The following CSNK2A1 variants were observed in gnomAD, a reference collection of about 807,000 sequenced individuals.
CSNK2A1 encodes casein kinase II subunit alpha.
In CSNK2A1, 10 loss-of-function variants were observed where a neutral mutation model predicts 62.9. That is an observed-to-expected ratio of 0.16 (90% CI 0.10 to 0.27). CSNK2A1 has a LOEUF of 0.27. Ranked by LOEUF, CSNK2A1 falls within the 10% of genes least tolerant of loss-of-function variation. CSNK2A1 has a pLI of 1.00. For missense variants in CSNK2A1, 160 were observed against 492.0 expected, an observed-to-expected ratio of 0.33 and a Z score of 6.38; for synonymous variants, 124 against 167.8, an observed-to-expected ratio of 0.74 and a Z score of 2.02.
Position 521,589 on chromosome 20 carries a change from A to G in CSNK2A1, c.-110+6344T>C, listed in dbSNP as rs958753686. Among the ~76,000 whole-genome samples the G allele has an allele frequency of 4.6e-5, 7 of 152,248 alleles. No homozygotes were observed. In the East Asian group the frequency reaches 7.7e-4, roughly 17 times the overall value. On this transcript the variant is annotated intron_variant, in intron 2 of 13. Coordinates refer to ENST00000217244, the MANE Select transcript of CSNK2A1 (RefSeq NM_177559.3). ...AAGAGAAACGGAAACCCGTATCTAC[A>G]CAAAAACTTATACACAAACATTTAA...
At chr20:484,773 A>G (rs957171018) in intron 13 of CSNK2A1, among the ~76,000 whole-genome samples, 8 of 151,892 alleles carry the variant, frequency 5.3e-5, no homozygotes, top group African/African-American at 1.9e-4. Context: ...AAGGTTCAAA[A>G]AAGTATACAA....
intron 1 of CSNK2A1, among the ~76,000 whole-genome samples, chr20:534,117 G>A (rs138358117): frequency 1.7e-3 from 257 of 152,318 alleles, no homozygotes; most frequent in African/African-American, 6.1e-3. Flanking sequence ...ACCAGGCACA[G>A]TATCAGATGC....
intron 2 of CSNK2A1, among the ~76,000 whole-genome samples, chr20:524,960 T>C (rs1247897537): frequency 1.3e-5 from 2 of 148,298 alleles, no homozygotes; most frequent in Non-Finnish European, 3.0e-5. Context: ...ACAGAAAAAT[T>C]TAAAAGTTAG....
intron 6 of CSNK2A1, chr20:498,124 T>C (rs1282918676): frequency 9.3e-6 from 2 of 215,760 alleles, no homozygotes; most frequent in Non-Finnish European, 1.8e-5. Context: ...TTGGCAAATA[T>C]ACTGCCTCCT....
In CSNK2A1 at chr20:499,649, G is replaced by C; in HGVS notation, c.315+184C>G. ...TCTTAGCCTAGAAGAATAAGAAATA[G>C]TCTGTGGGTGGAGGTCTCTTTGAAA... On this transcript the variant is annotated intron_variant, in intron 5 of 13. Transcript: ENST00000217244. The surrounding 1 kb of genome is among the most constrained non-coding windows in gnomAD (Gnocchi z 4.2). 2 of 617,482 alleles carry C rather than the reference G, an allele frequency of 3.2e-6. No homozygotes were observed. The highest frequency in any genetic ancestry group is 3.0e-5 in the Admixed American group (1 of 33,382). The allele number at this position is 617,482 out of a possible 1,614,324, so 38.3% of individuals were successfully genotyped here. A position where few individuals can be genotyped will look rare whatever the true frequency, so the allele number is the denominator to read the frequency against.
At chr20:492,418 G>C in intron 8 of CSNK2A1, 54 bp from the exon 9 acceptor site, 2 of 1,559,258 alleles carry the variant, frequency 1.3e-6, no homozygotes, top group Admixed American at 3.4e-5. Flanking sequence ...TACCCACACT[G>C]TGCCATTAGC....
At chr20:501,035 G>A (rs2018456927) in intron 4 of CSNK2A1, 1 of 151,166 alleles carries the variant, frequency 6.6e-6, no homozygotes, top group South Asian at 2.1e-4. Flanking sequence ...TTTCTGAGGA[G>A]GGCCTTGGTC....
chr20:478,762 TA>T lies in CSNK2A1; in HGVS notation c.*5198del. ...GGGCAACACGGCAAAACTTCATCTC[TA>T]CCAAAAAAAAAAAAAAAAAAATTAG... On this transcript the variant is annotated 3_prime_UTR_variant, in exon 14 of 14. Transcript: ENST00000217244. 1 of 205,768 alleles carries T rather than the reference TA, an allele frequency of 4.9e-6. No homozygotes were observed. The highest frequency in any genetic ancestry group is 9.3e-6 in the Non-Finnish European group (1 of 107,230). 12.7% of individuals were successfully genotyped at this position (205,768 alleles called of 1,614,324 possible). A position where few individuals can be genotyped will look rare whatever the true frequency, so the allele number is the denominator to read the frequency against.
In CSNK2A1 at chr20:492,265, C is replaced by T; in HGVS notation, c.610G>A (p.Val204Ile). Residue 204 changes from valine to isoleucine, a missense_variant, in exon 9 of 14, where the codon GTA (valine) becomes ATA (isoleucine). This residue lies in a region of CSNK2A1 where 94 missense variants were observed against 357.6 expected (regional missense o/e 0.26). Coordinates refer to ENST00000217244, the MANE Select transcript of CSNK2A1 (RefSeq NM_177559.3). ...CCTTCTGTTCTTACCTGATAGTCTACAAGTAGCTCAGGACCTTTGAAGTAT... is the reference window on the plus strand; with the variant it reads ...CCTTCTGTTCTTACCTGATAGTCTATAAGTAGCTCAGGACCTTTGAAGTAT... ...SRYFKGPELL[V>I]DYQMYDYSLD... 1.2e-6 allele frequency: 2 copies of T among 1,613,536 alleles called. No homozygotes were observed. Among genetic ancestry groups the T allele is most frequent in the Non-Finnish European group, 8.5e-7 (1 of 1,179,684 alleles).
chr20:491,720 G>A (rs555419929), intron 9 of CSNK2A1, among the ~76,000 whole-genome samples: 6 of 151,964 alleles, frequency 3.9e-5, no homozygotes, highest in African/African-American at 9.6e-5. Flanking sequence ...GCAGGAGATC[G>A]AGACCATCCT....
chr20:491,349 T>C (rs1054431147), intron 9 of CSNK2A1, among the ~76,000 whole-genome samples: 1 of 152,176 alleles, frequency 6.6e-6, no homozygotes, highest in African/African-American at 2.4e-5. Flanking sequence ...AAAACATTCT[T>C]GAATTTACTC....
At chr20:534,421 C>A (rs1379663501) in intron 1 of CSNK2A1, among the ~76,000 whole-genome samples, 1 of 152,134 alleles carries the variant, frequency 6.6e-6, no homozygotes, top group African/African-American at 2.4e-5. Context: ...GCCACCAGGC[C>A]ACAATTGTAT....
Position 483,688 on chromosome 20 carries a change from G to GA in CSNK2A1, c.*272dup, listed in dbSNP as rs374186863. The GA allele has an allele frequency of 7.1e-4, 158 of 223,840 alleles. No individual in the cohort carries two copies. The highest frequency in any genetic ancestry group is 1.4e-3 in the Middle Eastern group (1 of 708). 13.9% of individuals were successfully genotyped at this position (223,840 alleles called of 1,614,324 possible). A position where few individuals can be genotyped will look rare whatever the true frequency, so the allele number is the denominator to read the frequency against. ...ATGAGGAACTAAATTTGGGAGGGGA[G>GA]AAAAAAAAATTTGTCCATGAAATAT... On this transcript the variant is annotated 3_prime_UTR_variant, in exon 14 of 14. Coordinates refer to ENST00000217244, the MANE Select transcript of CSNK2A1 (RefSeq NM_177559.3).
chr20:526,185 T>C lies in CSNK2A1; in HGVS notation c.-110+1748A>G, dbSNP rs185241183. 2.5e-3 allele frequency among the ~76,000 whole-genome samples: 379 copies of C among 151,474 alleles called. 5 individuals carry two copies. Among genetic ancestry groups the C allele is most frequent in the Non-Finnish European group, 5.2e-4 (35 of 67,588 alleles). ...ACAATACCAATTGAGTCTTTAAAAATGCTCGTGCTGAGCCCGTGGCTCATG... is the reference window on the plus strand; with the variant it reads ...ACAATACCAATTGAGTCTTTAAAAACGCTCGTGCTGAGCCCGTGGCTCATG... On this transcript the variant is annotated intron_variant, in intron 2 of 13. Coordinates refer to ENST00000217244, the MANE Select transcript of CSNK2A1 (RefSeq NM_177559.3).
intron 1 of CSNK2A1, among the ~76,000 whole-genome samples, chr20:532,329 A>C (rs2019229889): frequency 8.3e-6 from 1 of 120,556 alleles, no homozygotes; most frequent in African/African-American, 3.8e-5. Context: ...ATGCCCGGCT[A>C]ATTTTTTTTT....
intron 2 of CSNK2A1, among the ~76,000 whole-genome samples, chr20:523,850 C>T (rs1001970979): frequency 8.3e-6 from 1 of 120,258 alleles, no homozygotes; most frequent in African/African-American, 3.4e-5. Flanking sequence ...CAGAGCAAGA[C>T]TCCATCTCAA....
rs2018103348 is a variant in CSNK2A1 at position 486,543 on chromosome 20, T to C, written c.974-81A>G. On this transcript the variant is annotated intron_variant, in intron 12 of 13. Transcript: ENST00000217244. ...GTCTGGAAGCCTGAAAGCAGCCAGC[T>C]TCATTCTTTGCAATTTATATATACT... is the stretch of plus-strand genomic sequence containing the variant. The C allele has an allele frequency of 4.7e-6, 7 of 1,497,564 alleles. No homozygotes were observed. In the South Asian group the frequency reaches 8.5e-5, roughly 18 times the overall value. 92.8% of individuals were successfully genotyped at this position (1,497,564 alleles called of 1,614,324 possible). A position where few individuals can be genotyped will look rare whatever the true frequency, so the allele number is the denominator to read the frequency against.
At chr20:515,930 C>T (rs1220053315) in intron 2 of CSNK2A1, among the ~76,000 whole-genome samples, 1 of 152,216 alleles carries the variant, frequency 6.6e-6, no homozygotes, top group African/African-American at 2.4e-5. Flanking sequence ...TCCCTTCCCT[C>T]TCTCTCTTTC....
chr20:523,874 A>C (rs1286056458), intron 2 of CSNK2A1, among the ~76,000 whole-genome samples: 1 of 150,890 alleles, frequency 6.6e-6, no homozygotes, highest in African/African-American at 2.4e-5. Context: ...AAAAAAAAAA[A>C]AAAAAAACTG....
Sources: allele counts gnomAD v4.1 joint callset (sites outside exome capture counted in the v4.1 genomes callset), GRCh38; gene constraint gnomAD v4.1.1; regional missense constraint gnomAD v4.1.1; non-coding constraint Gnocchi (gnomAD v3.1); transcripts MANE v1.5; gene names NCBI Gene and HGNC (gene_info 2026-07-23, HGNC 2026-07-21).